The following GRIK4 variants were observed in gnomAD, a reference collection of about 807,000 sequenced individuals.
GRIK4 encodes glutamate receptor ionotropic, kainate 4.
A neutral mutation model predicts 104.9 loss-of-function variants in GRIK4; 40 were observed. The observed-to-expected ratio is 0.38, with a 90% CI of 0.30 to 0.50. GRIK4 has a LOEUF of 0.50. GRIK4 is among the 20% of genes least tolerant of loss of function. The probability of loss-of-function intolerance (pLI) is 0.93; values close to 1 mark genes in which losing one functional copy is unlikely to be tolerated. For synonymous variants in GRIK4, 485 were observed against 524.9 expected (o/e 0.92, Z 1.04); for missense variants, 1,047 against 1,308.1 (o/e 0.80, Z 3.08).
chr11:120,645,130 A>AGT (rs10566673), intron 1 of GRIK4, among the ~76,000 whole-genome samples: 47 of 151,020 alleles, frequency 3.1e-4, no homozygotes, highest in South Asian at 6.3e-4. Context: ...TATGGTGTGT[A>AGT]GTGTGTGTGT....
At position 120,819,505 on chromosome 11, in the gene GRIK4, T is replaced by G. The variant is rs1953049827; in HGVS notation, c.346-250T>G. 6.6e-6 allele frequency among the ~76,000 whole-genome samples: 1 copy of G among 152,238 alleles called. No individual in the cohort carries two copies. Among genetic ancestry groups the G allele is most frequent in the South Asian group, 2.1e-4 (1 of 4,826 alleles). On this transcript the variant is annotated intron_variant, in intron 5 of 20. Transcript: ENST00000527524. This position sits in a 1 kb window ranked among gnomAD's most constrained non-coding sequence, Gnocchi z 4.3. Reference sequence around the variant, plus strand: ...CAGACCCCAGCTTGCAGACCCACGGTGCATTCATCCGGGTCTCTGGACAAA... The same window carrying G: ...CAGACCCCAGCTTGCAGACCCACGGGGCATTCATCCGGGTCTCTGGACAAA...
At chr11:120,877,746 AG>A (rs905168774) in intron 11 of GRIK4, among the ~76,000 whole-genome samples, 2 of 152,162 alleles carry the variant, frequency 1.3e-5, no homozygotes, top group African/African-American at 2.4e-5. Context: ...GGAAAGGAGA[AG>A]GGGGTGGAGA....
chr11:120,644,134 G>GT (rs903385523), intron 1 of GRIK4, among the ~76,000 whole-genome samples: 3 of 151,520 alleles, frequency 2.0e-5, no homozygotes, highest in South Asian at 2.1e-4. Context: ...GTGACACAGG[G>GT]TTTTTTTTAT....
intron 3 of GRIK4, among the ~76,000 whole-genome samples, chr11:120,789,359 C>T (rs545288344): frequency 6.6e-6 from 1 of 152,236 alleles, no homozygotes; most frequent in South Asian, 2.1e-4. Context: ...TCTAAATTGT[C>T]AGTGAAGCCA....
chr11:120,700,717 A>G (rs1473794696), intron 3 of GRIK4, among the ~76,000 whole-genome samples: 1 of 152,026 alleles, frequency 6.6e-6, no homozygotes, highest in Non-Finnish European at 1.5e-5. Flanking sequence ...TTGGCCTCCT[A>G]AAGTGTTAGG....
chr11:120,598,031 G>A (rs968606441), intron 1 of GRIK4, among the ~76,000 whole-genome samples: 1 of 152,148 alleles, frequency 6.6e-6, no homozygotes. Context: ...GTGCCTCAGC[G>A]ACAGAGCCAA....
intron 3 of GRIK4, among the ~76,000 whole-genome samples, chr11:120,742,782 A>T (rs1264499503): frequency 6.6e-6 from 1 of 152,240 alleles, no homozygotes; most frequent in Non-Finnish European, 1.5e-5. Flanking sequence ...CCAGAGAAAT[A>T]GAAATCATTC....
chr11:120,913,572 G>A (rs570774774), intron 13 of GRIK4, among the ~76,000 whole-genome samples: 48 of 151,826 alleles, frequency 3.2e-4, no homozygotes, highest in African/African-American at 5.8e-4. Flanking sequence ...AAAGTACCCC[G>A]TTGGCATTCA....
intron 12 of GRIK4, among the ~76,000 whole-genome samples, chr11:120,904,988 G>A (rs1010099393): frequency 6.6e-6 from 1 of 152,222 alleles, no homozygotes; most frequent in Non-Finnish European, 1.5e-5. Flanking sequence ...AGAAAAAAAA[G>A]AGAGAGATAG....
intron 3 of GRIK4, among the ~76,000 whole-genome samples, chr11:120,802,180 G>C (rs983369044): frequency 1.3e-5 from 2 of 152,222 alleles, no homozygotes; most frequent in Admixed American, 1.3e-4. Context: ...ATGGCCCATC[G>C]GTGTCAGAGC....
At chr11:120,930,630 A>C (rs563604031) in intron 13 of GRIK4, among the ~76,000 whole-genome samples, 2 of 152,338 alleles carry the variant, frequency 1.3e-5, no homozygotes, top group African/African-American at 4.8e-5. Context: ...CTTTGGCGAC[A>C]GACAAGGGAG....
chr11:120,561,768 G>T (rs1948241906), intron 1 of GRIK4, among the ~76,000 whole-genome samples: 1 of 152,202 alleles, frequency 6.6e-6, no homozygotes, highest in Non-Finnish European at 1.5e-5. Flanking sequence ...ACCCCAAGAT[G>T]ACCCAGAGGC....
rs565360265 is a variant in GRIK4 at position 120,536,740 on chromosome 11, T to A, written c.-159+24853T>A. On this transcript the variant is annotated intron_variant, in intron 1 of 20. Coordinates refer to ENST00000527524, the MANE Select transcript of GRIK4 (RefSeq NM_014619.5). ...GAAAGAAGCTACCCTACCGGATGAG[T>A]GGGGAGTGATCAATAGGAAGAACAA... 1.0e-3 allele frequency among the ~76,000 whole-genome samples: 156 copies of A among 151,748 alleles called. 1 individual carries two copies. The highest frequency in any genetic ancestry group is 1.9e-3 in the Non-Finnish European group (128 of 67,896).
chr11:120,906,644 A>G (rs1389305321), intron 13 of GRIK4, among the ~76,000 whole-genome samples: 1 of 152,214 alleles, frequency 6.6e-6, no homozygotes, highest in Non-Finnish European at 1.5e-5. Context: ...CCTACTCTTC[A>G]ATGATAAAAA....
chr11:120,936,924 C>A (rs1282895207), intron 13 of GRIK4, among the ~76,000 whole-genome samples: 1 of 152,028 alleles, frequency 6.6e-6, no homozygotes, highest in Non-Finnish European at 1.5e-5. Context: ...TGCCCCTCAG[C>A]CTCCCACACC....
chr11:120,525,229 C>T (rs186230463), intron 1 of GRIK4, among the ~76,000 whole-genome samples: 150 of 152,230 alleles, frequency 9.9e-4, no homozygotes, highest in African/African-American at 3.5e-3. Flanking sequence ...TGAGTCTAGC[C>T]GTCTCATTTC....
intron 13 of GRIK4, among the ~76,000 whole-genome samples, chr11:120,912,010 T>A (rs1445618453): frequency 6.6e-6 from 1 of 152,224 alleles, no homozygotes; most frequent in Non-Finnish European, 1.5e-5. Context: ...TTTAAATGCG[T>A]ATATGTTTTA....
chr11:120,889,814 G>C (rs546860517), intron 11 of GRIK4, among the ~76,000 whole-genome samples: 1 of 151,982 alleles, frequency 6.6e-6, no homozygotes, highest in African/African-American at 2.4e-5. Flanking sequence ...ATGTTGGTCA[G>C]GCTGGTCTTG....
At chr11:120,514,097 C>T (rs992339886) in intron 1 of GRIK4, among the ~76,000 whole-genome samples, 1 of 152,072 alleles carries the variant, frequency 6.6e-6, no homozygotes, top group Non-Finnish European at 1.5e-5. Context: ...GACAGGGGGA[C>T]CGGCCCTGGG....
Sources: gnomAD v4.1 joint callset for allele counts (sites outside exome capture counted in the v4.1 genomes callset) on GRCh38, gnomAD v4.1.1 for gene constraint, Gnocchi (gnomAD v3.1) non-coding constraint, MANE v1.5 for transcripts, NCBI Gene and HGNC (gene_info 2026-07-23, HGNC 2026-07-21) for gene names.